The following ERVV-2 variants were observed in gnomAD, a reference collection of about 807,000 sequenced individuals.
The protein encoded by ERVV-2 is endogenous retrovirus group V member 2 Env polyprotein.
For synonymous variants in ERVV-2, 105 were observed against 184.6 expected (o/e 0.57, Z 3.49); for missense variants, 291 against 495.1 (o/e 0.59, Z 3.91).
At chr19:53,047,873 A>G (rs1600775505) in intron 1 of ERVV-2, among the ~76,000 whole-genome samples, 1 of 152,284 alleles carries the variant, frequency 6.6e-6, no homozygotes, top group East Asian at 1.9e-4. Context: ...TTTCCTTTGC[A>G]ATATAGTTTG....
At position 53,050,164 on chromosome 19, in the gene ERVV-2, G is replaced by A; in HGVS notation, c.913G>A (p.Gly305Arg). Residue 305 changes from glycine (G) to arginine (R), a missense_variant, in exon 2 of 2, where the codon GGG becomes AGG. By Grantham distance (125) the Gly-to-Arg change is moderately radical. Transcript: ENST00000601417. ...TGCTGTGGGACTTTTGGGACCACGG[G>A]GGATAGGTGTGACCATTTATAACAC... is the stretch of plus-strand genomic sequence containing the variant. ...ECAVGLLGPR[G>R]IGVTIYNTTQ... 6.9e-7 allele frequency: 1 copy of A among 1,439,034 alleles called. No homozygotes were observed. Among genetic ancestry groups the A allele is most frequent in the Non-Finnish European group, 9.4e-7 (1 of 1,066,532 alleles). The allele number at this position is 1,439,034 out of a possible 1,614,324, so 89.1% of individuals were successfully genotyped here.
At position 53,050,595 on chromosome 19, in the gene ERVV-2, G is replaced by A. The variant is rs1340955007; in HGVS notation, c.1344G>A (p.Lys448=). Reference sequence around the variant, plus strand: ...CAAGGGCCATCTGGGAGGCTGTGAAGTCTGCCCTCCCCTCCCTCAACTGGT... The same window carrying A: ...CAAGGGCCATCTGGGAGGCTGTGAAATCTGCCCTCCCCTCCCTCAACTGGT... ...ASARAIWEAV[K]SALPSLNWFV... is the part of the protein sequence containing the mutation. The change falls in exon 2 of 2, where the codon AAG becomes AAA. Residue 448 remains lysine (K), a synonymous_variant. Coordinates refer to ENST00000601417, the MANE Select transcript of ERVV-2 (RefSeq NM_001191055.2). The A allele has an allele frequency of 2.0e-6, 2 of 1,023,568 alleles. No individual in the cohort carries two copies. Among genetic ancestry groups the A allele is most frequent in the South Asian group, 1.4e-5 (1 of 73,924 alleles). The allele number at this position is 1,023,568 out of a possible 1,614,324, so 63.4% of individuals were successfully genotyped here.
intron 1 of ERVV-2, among the ~76,000 whole-genome samples, chr19:53,046,050 G>T (rs1344829852): frequency 1.3e-5 from 2 of 151,878 alleles, no homozygotes; most frequent in Admixed American, 1.3e-4. Flanking sequence ...TCACCTGAGG[G>T]CAGGAGTTCA....
At position 53,045,920 on chromosome 19, in the gene ERVV-2, C is replaced by T. The variant is rs2083889154; in HGVS notation, c.-386+962C>T. On this transcript the variant is annotated intron_variant, in intron 1 of 1. Coordinates refer to ENST00000601417, the MANE Select transcript of ERVV-2 (RefSeq NM_001191055.2). ...CTCAGCTTTGTCCTTTCCCTTGCCT[C>T]CTGTTTCACTGGAGGGACCGGCACT... Among the ~76,000 whole-genome samples, 4 of 152,148 alleles carry T rather than the reference C, an allele frequency of 2.6e-5. No homozygotes were observed. The South Asian group carries it at 8.3e-4, about 32-fold the overall frequency.
chr19:53,046,814 G>A (rs1030061814), intron 1 of ERVV-2, among the ~76,000 whole-genome samples: 13 of 152,164 alleles, frequency 8.5e-5, no homozygotes, highest in Admixed American at 2.6e-4. Context: ...CACTTTCGGA[G>A]GCCAAGGCGG....
chr19:53,048,297 C>G (rs1333234380), intron 1 of ERVV-2, among the ~76,000 whole-genome samples: 1 of 152,040 alleles, frequency 6.6e-6, no homozygotes, highest in Non-Finnish European at 1.5e-5. Flanking sequence ...TCACTTGAAC[C>G]CCAGGAGGCG....
chr19:53,050,905 C>T lies in ERVV-2; in HGVS notation c.*46C>T, dbSNP rs1290870571. 4.1e-6 allele frequency: 6 copies of T among 1,454,266 alleles called. No individual in the cohort carries two copies. The highest frequency in any genetic ancestry group is 2.6e-5 in the Admixed American group (1 of 38,596). 90.1% of individuals were successfully genotyped at this position (1,454,266 alleles called of 1,614,324 possible). ...CCCTGATGACTTCTTCGCCCCATGT[C>T]AGCAGGAAGTAGTTACAGAAGACCC... is the stretch of plus-strand genomic sequence containing the variant. On this transcript the variant is annotated 3_prime_UTR_variant, in exon 2 of 2. Transcript: ENST00000601417.
At chr19:53,047,695 C>T (rs1400438367) in intron 1 of ERVV-2, among the ~76,000 whole-genome samples, 2 of 152,196 alleles carry the variant, frequency 1.3e-5, no homozygotes, top group African/African-American at 4.8e-5. Flanking sequence ...GAATGCCTGA[C>T]CTTCATGAGT....
chr19:53,044,923 CACCTGGTT>C lies in ERVV-2; in HGVS notation c.-408_-401del, dbSNP rs1460588074. 2 of 152,198 alleles carry C rather than the reference CACCTGGTT, an allele frequency of 1.3e-5. No homozygotes were observed. 9.4% of individuals were successfully genotyped at this position (152,198 alleles called of 1,614,324 possible). A position where few individuals can be genotyped will look rare whatever the true frequency, so the allele number is the denominator to read the frequency against. ...CCCTCTGGGTAACATCTGGTGTTTT[CACCTGGTT>C]ACCTGGTTACCTCGCCTGGTTATCC... On this transcript the variant is annotated 5_prime_UTR_variant, in exon 1 of 2. The change creates a premature stop within an existing upstream ORF in the 5' untranslated region. Transcript: ENST00000601417.
rs1285168822 is a variant in ERVV-2 at position 53,051,239 on chromosome 19, C to T, written c.*380C>T. Among the ~76,000 whole-genome samples the T allele has an allele frequency of 2.7e-5, 4 of 149,540 alleles. No individual in the cohort carries two copies. Among genetic ancestry groups the T allele is most frequent in the African/African-American group, 9.9e-5 (4 of 40,310 alleles). Reference sequence around the variant, plus strand: ...TCGGCTCACTGCACCCTCCACCTCCCAGGTTCAATTGATTCTCCTGTTTCA... The same window carrying T: ...TCGGCTCACTGCACCCTCCACCTCCTAGGTTCAATTGATTCTCCTGTTTCA... On this transcript the variant is annotated 3_prime_UTR_variant, in exon 2 of 2. Transcript: ENST00000601417.
chr19:53,046,825 G>A (rs12459525), intron 1 of ERVV-2, among the ~76,000 whole-genome samples: 53,268 of 151,378 alleles, frequency 0.35, 7,738 homozygotes, highest in Middle Eastern at 0.45. Context: ...GCCAAGGCGG[G>A]CGTGTCACCC....
rs575410359 is a variant in ERVV-2, at chr19:53,049,036, T to C, written c.-216T>C. On this transcript the variant is annotated 5_prime_UTR_variant, in exon 2 of 2. Transcript: ENST00000601417. ...GTGAAAAGATAAGTAAAGCCTTCTC[T>C]CTGTTCACCCAAAACTAAAGTCAAT... The C allele has an allele frequency of 4.4e-6, 3 of 676,068 alleles. No individual in the cohort carries two copies. The highest frequency in any genetic ancestry group is 7.4e-6 in the Non-Finnish European group (3 of 407,416). The allele number at this position is 676,068 out of a possible 1,614,324, so 41.9% of individuals were successfully genotyped here.
In ERVV-2 at chr19:53,050,081, C is replaced by G; in HGVS notation, c.830C>G (p.Thr277Ser). 6.8e-7 allele frequency: 1 copy of G among 1,470,270 alleles called. No homozygotes were observed. Among genetic ancestry groups the G allele is most frequent in the Non-Finnish European group, 9.1e-7 (1 of 1,099,384 alleles). The allele number at this position is 1,470,270 out of a possible 1,614,324, so 91.1% of individuals were successfully genotyped here. A position where few individuals can be genotyped will look rare whatever the true frequency, so the allele number is the denominator to read the frequency against. ...FDGSPKITYSTPPVANLYTCI... is the reference protein window; with the variant it reads ...FDGSPKITYSSPPVANLYTCI... The stretch of plus-strand genomic sequence containing the variant: ...GGAAGTCCTAAGATAACCTATTCAA[C>G]CCCCCCTGTGGCAAACCTCTACACT... Residue 277 changes from threonine (T) to serine (S), a missense_variant, in exon 2 of 2, where the codon ACC (threonine) becomes AGC (serine). Thr to Ser is a moderately conservative substitution (Grantham distance 58). Transcript: ENST00000601417.
At chr19:53,044,996 A>T (rs1211268136) in intron 1 of ERVV-2, 38 bp downstream of exon 1, 1 of 152,268 alleles carries the variant, frequency 6.6e-6, no homozygotes, top group Non-Finnish European at 1.5e-5. Flanking sequence ...TCTCTGGTTG[A>T]CGACCTCTGC....
intron 1 of ERVV-2, among the ~76,000 whole-genome samples, chr19:53,046,669 A>C (rs2083892267): frequency 6.6e-6 from 1 of 152,184 alleles, no homozygotes; most frequent in Non-Finnish European, 1.5e-5. Flanking sequence ...TTTCTGTATA[A>C]ACCCCAAGGA....
At chr19:53,048,653 C>T (rs144470256) in intron 1 of ERVV-2, among the ~76,000 whole-genome samples, 1,513 of 116,100 alleles carry the variant, frequency 0.013, 13 homozygotes, top group Non-Finnish European at 0.019. Context: ...CCAGCCTGGG[C>T]GACAAGAGCA....
Position 53,049,183 on chromosome 19 carries a change from T to C in ERVV-2, c.-69T>C. The C allele has an allele frequency of 8.8e-7, 1 of 1,139,548 alleles. No individual in the cohort carries two copies. Among genetic ancestry groups the C allele is most frequent in the South Asian group, 1.4e-5 (1 of 69,050 alleles). The allele number at this position is 1,139,548 out of a possible 1,614,324, so 70.6% of individuals were successfully genotyped here. Reference sequence around the variant, plus strand: ...CTCACTAAACACTCCATCGAACCACTTCATTATTTGTCTCTCCTATTTTCA... The same window carrying C: ...CTCACTAAACACTCCATCGAACCACCTCATTATTTGTCTCTCCTATTTTCA... On this transcript the variant is annotated 5_prime_UTR_variant, in exon 2 of 2. Coordinates refer to ENST00000601417, the MANE Select transcript of ERVV-2 (RefSeq NM_001191055.2).
intron 1 of ERVV-2, 90 bp downstream of exon 1, chr19:53,045,048 G>T (rs1156937408): frequency 6.6e-6 from 1 of 152,322 alleles, no homozygotes; most frequent in East Asian, 1.9e-4. Flanking sequence ...ATGCAGATCT[G>T]GCAGCTTTAA....
chr19:53,050,838 T>G lies in ERVV-2; in HGVS notation c.1587T>G (p.Thr529=), dbSNP rs1253910004. 1.3e-6 allele frequency: 2 copies of G among 1,532,520 alleles called. No individual in the cohort carries two copies. The highest frequency in any genetic ancestry group is 1.7e-6 in the Non-Finnish European group (2 of 1,145,530). The allele number at this position is 1,532,520 out of a possible 1,614,324, so 94.9% of individuals were successfully genotyped here. A position where few individuals can be genotyped will look rare whatever the true frequency, so the allele number is the denominator to read the frequency against. ...CCAGTGGGCAAAGATTCCGGGAAAC[T>G]ATGGAGGAATTTTCTCTCTGAGACA... is the stretch of plus-strand genomic sequence containing the variant. ...LDASGQRFRE[T]MEEFSL The change falls in exon 2 of 2, where the codon ACT becomes ACG. Residue 529 remains threonine (T), a synonymous_variant. Coordinates refer to ENST00000601417, the MANE Select transcript of ERVV-2 (RefSeq NM_001191055.2).
Sources: allele counts gnomAD v4.1 joint callset (sites outside exome capture counted in the v4.1 genomes callset), GRCh38; gene constraint gnomAD v4.1.1; transcripts MANE v1.5; gene names NCBI Gene and HGNC (gene_info 2026-07-23, HGNC 2026-07-21).